USP8: variants seen among roughly 807,000 people sequenced by gnomAD.
The protein encoded by USP8 is ubiquitin specific peptidase 8, also known as ubiquitin carboxyl-terminal hydrolase 8.
Under a neutral mutation model 130.0 loss-of-function variants are expected in USP8, and 27 were observed. That is an observed-to-expected ratio of 0.21 (90% CI 0.15 to 0.29). USP8 has a LOEUF of 0.29. USP8 is among the 10% of genes least tolerant of loss of function. The pLI, the probability that USP8 is intolerant of heterozygous loss-of-function variation, is 1.00. For missense variants in USP8, 1,029 were observed against 1,312.2 expected, an observed-to-expected ratio of 0.78 and a Z score of 3.33; for synonymous variants, 392 against 444.1, an observed-to-expected ratio of 0.88 and a Z score of 1.48.
rs1469651536 is a variant in USP8, at chr15:50,512,924, A to C, written c.*13836A>C. 1 of 152,230 alleles carries C rather than the reference A, an allele frequency of 6.6e-6. No individual in the cohort carries two copies. The highest frequency in any genetic ancestry group is 1.5e-5 in the Non-Finnish European group (1 of 68,040). The allele number at this position is 152,230 out of a possible 1,614,324, so 9.4% of individuals were successfully genotyped here. On this transcript the variant is annotated 3_prime_UTR_variant, in exon 20 of 20. Transcript: ENST00000307179. ...ACAAAAAGATCATGTACAACAAACCAAAAACAAAAAAGTTATTTCTAACCC... is the reference window on the plus strand; with the variant it reads ...ACAAAAAGATCATGTACAACAAACCCAAAACAAAAAAGTTATTTCTAACCC...
chr15:50,498,875 A>AT (rs199819722), intron 19 of USP8, 28 bp from the exon 20 acceptor site: 17,659 of 1,558,818 alleles, frequency 0.011, 116 homozygotes, highest in African/African-American at 0.017. Context: ...AACTGAATTG[A>AT]TTTTTTTTTC....
At chr15:50,497,792 T>C (rs1480637420) in intron 18 of USP8, 2 of 152,174 alleles carry the variant, frequency 1.3e-5, no homozygotes, top group East Asian at 3.9e-4. Flanking sequence ...TCCATGTAAC[T>C]CAAGAACTTT....
At chr15:50,484,197 G>T in intron 11 of USP8, 78 bp from the exon 12 acceptor site, 1 of 1,113,266 alleles carries the variant, frequency 9.0e-7, no homozygotes, top group Non-Finnish European at 1.3e-6. Context: ...CATAGATTCG[G>T]TTGTGTTAGC....
intron 2 of USP8, among the ~76,000 whole-genome samples, chr15:50,441,076 G>A (rs2050244176): frequency 6.6e-6 from 1 of 152,066 alleles, no homozygotes; most frequent in Non-Finnish European, 1.5e-5. Context: ...GCTCCTATGG[G>A]AATCTAATGC....
intron 5 of USP8, among the ~76,000 whole-genome samples, chr15:50,459,980 T>C (rs2050926136): frequency 2.0e-5 from 2 of 97,750 alleles, no homozygotes. Flanking sequence ...TCTCCCCCAG[T>C]TCCCCCACCC....
chr15:50,425,059 C>T (rs1209417795), intron 1 of USP8, among the ~76,000 whole-genome samples: 3 of 152,150 alleles, frequency 2.0e-5, no homozygotes, highest in African/African-American at 7.2e-5. Context: ...AATTTCACCG[C>T]CACTCCACCT....
At position 50,483,214 on chromosome 15, in the gene USP8, T is replaced by C. The variant is rs201595602; in HGVS notation, c.1804-1061T>C. Among the ~76,000 whole-genome samples, 3 of 152,362 alleles carry C rather than the reference T, an allele frequency of 2.0e-5. No homozygotes were observed. In the East Asian group the frequency reaches 5.8e-4, roughly 29 times the overall value. On this transcript the variant is annotated intron_variant, in intron 11 of 19. Coordinates refer to ENST00000307179, the MANE Select transcript of USP8 (RefSeq NM_005154.5). The stretch of plus-strand genomic sequence containing the variant: ...GAAGTTTAGAGGTTAAGTATTTGCC[T>C]AGGATCACATAGACAGTGAGATTCC...
At chr15:50,466,822 G>A (rs2051205894) in intron 7 of USP8, 4 of 300,798 alleles carry the variant, frequency 1.3e-5, no homozygotes, top group Non-Finnish European at 2.6e-5. Context: ...ATGAGCCACA[G>A]CATAAAATCC....
intron 11 of USP8, among the ~76,000 whole-genome samples, chr15:50,483,954 A>C (rs1002970953): frequency 6.6e-6 from 1 of 152,316 alleles, no homozygotes; most frequent in African/African-American, 2.4e-5. Flanking sequence ...AATAGTATTT[A>C]AATAAAAGAA....
intron 1 of USP8, among the ~76,000 whole-genome samples, chr15:50,425,581 GGCT>G (rs1269508434): frequency 1.3e-5 from 2 of 151,918 alleles, no homozygotes; most frequent in African/African-American, 4.8e-5. Context: ...ATGTTGATAT[GGCT>G]GCTTTGAAAT....
chr15:50,464,352 T>G (rs2051109857), intron 6 of USP8, among the ~76,000 whole-genome samples: 1 of 152,218 alleles, frequency 6.6e-6, no homozygotes. Context: ...TTCCAGAATT[T>G]TAGAACCATA....
intron 8 of USP8, among the ~76,000 whole-genome samples, 188 bp downstream of exon 8, chr15:50,471,983 C>A (rs988744298): frequency 6.6e-6 from 1 of 151,364 alleles, no homozygotes; most frequent in Non-Finnish European, 1.5e-5. Context: ...TCACTGCAAC[C>A]TCCGCGTCCC....
At position 50,498,972 on chromosome 15, in the gene USP8, T is replaced by TTTAAG. The variant is rs1208395444; in HGVS notation, c.3244_3248dup (p.Phe1083LeufsTer16). ...TAAAAATGCAGCAAGACAACGGTGG[T>TTTAAG]TTAAGTTTGATGATCATGAAGTTTC... On this transcript the variant is annotated frameshift_variant, in exon 20 of 20. Transcript: ENST00000307179. LOFTEE classifies it high-confidence loss of function. 1 of 1,613,948 alleles carries TTTAAG rather than the reference T, an allele frequency of 6.2e-7. No homozygotes were observed. Among genetic ancestry groups the TTTAAG allele is most frequent in the Non-Finnish European group, 8.5e-7 (1 of 1,179,882 alleles).
chr15:50,455,967 A>G (rs2050776346), intron 4 of USP8, among the ~76,000 whole-genome samples: 1 of 152,138 alleles, frequency 6.6e-6, no homozygotes, highest in Non-Finnish European at 1.5e-5. Context: ...AAAAATGGGA[A>G]TCTTACTAAT....
At chr15:50,441,517 A>T in intron 3 of USP8, 24 bp downstream of exon 3, 1 of 1,531,122 alleles carries the variant, frequency 6.5e-7, no homozygotes, top group Non-Finnish European at 8.7e-7. Flanking sequence ...TTGCATTGTT[A>T]TTTCCTAAGT....
chr15:50,459,068 A>G lies in USP8; in HGVS notation c.404A>G (p.Gln135Arg). 1 of 1,614,128 alleles carries G rather than the reference A, an allele frequency of 6.2e-7. No individual in the cohort carries two copies. The highest frequency in any genetic ancestry group is 8.5e-7 in the Non-Finnish European group (1 of 1,180,030). The change falls in exon 5 of 20, where the codon CAA becomes CGA. Residue 135 changes from glutamine to arginine, a missense_variant. Physicochemically the swap from Gln to Arg is conservative, Grantham distance 43 (BLOSUM62 1). Around this residue, in one of 4 missense-constraint regions of USP8, gnomAD observed 281 missense variants for 336.7 expected, o/e 0.83. Coordinates refer to ENST00000307179, the MANE Select transcript of USP8 (RefSeq NM_005154.5). ...KDRQEEAQRL[Q>R]QKRQETGRED... ...AGGCAGGAGGAAGCACAGCGGCTAC[A>G]ACAAAAAAGGCAGGAAACAGGAAGA...
intron 6 of USP8, among the ~76,000 whole-genome samples, chr15:50,462,951 TA>T (rs11358406): frequency 0.15 from 22,312 of 149,212 alleles, 2,050 homozygotes; most frequent in Middle Eastern, 0.28. Context: ...ACATCCCCCA[TA>T]AAAAAAAAAT....
intron 8 of USP8, among the ~76,000 whole-genome samples, chr15:50,474,982 G>A (rs984342300): frequency 2.0e-5 from 3 of 152,054 alleles, no homozygotes; most frequent in East Asian, 1.9e-4. Context: ...GATGGCGGGC[G>A]CCTGTGATCC....
intron 5 of USP8, among the ~76,000 whole-genome samples, chr15:50,461,851 CAAA>C (rs35159499): frequency 5.8e-5 from 7 of 120,598 alleles, no homozygotes; most frequent in Admixed American, 8.7e-5. Flanking sequence ...GACTCCGTCT[CAAA>C]AAAAAAAAAA....
Sources: gnomAD v4.1 joint callset for allele counts (sites outside exome capture counted in the v4.1 genomes callset) on GRCh38, gnomAD v4.1.1 for gene constraint, gnomAD v4.1.1 regional missense constraint, MANE v1.5 for transcripts, NCBI Gene and HGNC (gene_info 2026-07-23, HGNC 2026-07-21) for gene names.